The following EVC2 variants were observed in gnomAD, a reference collection of about 807,000 sequenced individuals.
The protein encoded by EVC2 is limbin.
In EVC2, 148 loss-of-function variants were observed where a neutral mutation model predicts 149.3. That is an observed-to-expected ratio of 0.99 (90% CI 0.87 to 1.14). The LOEUF is 1.14. Ranked by LOEUF, EVC2 falls within the 50% of genes most tolerant of loss-of-function variation. The probability of loss-of-function intolerance (pLI) is 0.00; values close to 1 mark genes in which losing one functional copy is unlikely to be tolerated. For missense variants in EVC2, 1,854 were observed against 1,627.3 expected, an observed-to-expected ratio of 1.14 and a Z score of -2.40; for synonymous variants, 776 against 649.9, an observed-to-expected ratio of 1.19 and a Z score of -2.95.
chr4:5,707,965 C>T (rs1194017180), intron 1 of EVC2: 3 of 226,340 alleles, frequency 1.3e-5, no homozygotes, highest in East Asian at 8.3e-5. Flanking sequence ...CGCGACGGCC[C>T]CGTTTCAACG....
intron 16 of EVC2, 121 bp from the exon 17 acceptor site, chr4:5,584,971 A>G (rs1712150718): frequency 1.7e-5 from 18 of 1,057,882 alleles, no homozygotes; most frequent in Non-Finnish European, 2.4e-5. Flanking sequence ...AAAGTTTACA[A>G]TGGAGACGCA....
chr4:5,620,354 T>A (rs1437030498), intron 14 of EVC2, among the ~76,000 whole-genome samples: 3 of 152,258 alleles, frequency 2.0e-5, no homozygotes, highest in Admixed American at 6.5e-5. Flanking sequence ...GTTACGTAAG[T>A]GCCAAGAGAA....
At chr4:5,643,186 T>C (rs1717467827) in intron 9 of EVC2, among the ~76,000 whole-genome samples, 1 of 152,152 alleles carries the variant, frequency 6.6e-6, no homozygotes, top group South Asian at 2.1e-4. Context: ...AAAGACAAAC[T>C]AGCAAGTATC....
At chr4:5,684,945 G>A (rs528507428) in intron 6 of EVC2, among the ~76,000 whole-genome samples, 21 of 152,268 alleles carry the variant, frequency 1.4e-4, no homozygotes, top group South Asian at 4.1e-4. Context: ...AATCAGCCCC[G>A]CAGACACCCT....
rs76460700 is a variant in EVC2, at chr4:5,614,434, T to C, written c.2829+988A>G. Among the ~76,000 whole-genome samples, 6,831 of 152,144 alleles carry C rather than the reference T, an allele frequency of 0.045. 488 individuals carry two copies. The highest frequency in any genetic ancestry group is 0.15 in the African/African-American group (6,263 of 41,486). ...TCCCCAAAATACTTGTGGAACAAAT[T>C]AACCATGTGATAGGTGCTATGGTAA... On this transcript the variant is annotated intron_variant, in intron 16 of 21. Coordinates refer to ENST00000344408, the MANE Select transcript of EVC2 (RefSeq NM_147127.5). The surrounding 1 kb of genome is among the most constrained non-coding windows in gnomAD (Gnocchi z 4.7).
intron 9 of EVC2, among the ~76,000 whole-genome samples, chr4:5,661,362 A>C (rs766605989): frequency 6.6e-6 from 1 of 152,216 alleles, no homozygotes; most frequent in Non-Finnish European, 1.5e-5. Flanking sequence ...TTATGTTGCT[A>C]GCCACTTAGA....
intron 6 of EVC2, among the ~76,000 whole-genome samples, chr4:5,684,106 C>A (rs1720532690): frequency 6.6e-6 from 1 of 152,168 alleles, no homozygotes; most frequent in Non-Finnish European, 1.5e-5. Context: ...TGGTTTCCTG[C>A]CTTCTGAAAT....
In EVC2 at chr4:5,686,224, T is replaced by A. The variant is rs558850220; in HGVS notation, c.707-745A>T. On this transcript the variant is annotated intron_variant, in intron 5 of 21. Coordinates refer to ENST00000344408, the MANE Select transcript of EVC2 (RefSeq NM_147127.5). This position sits in a 1 kb window ranked among gnomAD's most constrained non-coding sequence, Gnocchi z 5.4. ...AACATTTTCATTTTTATTTAAAATT[T>A]TTTATTTATTTATTTCTGAGACAGG... 2.6e-4 allele frequency among the ~76,000 whole-genome samples: 40 copies of A among 152,184 alleles called. No homozygotes were observed. The highest frequency in any genetic ancestry group is 4.0e-4 in the Non-Finnish European group (27 of 68,026).
chr4:5,698,958 G>A (rs889355522), intron 1 of EVC2, among the ~76,000 whole-genome samples: 10 of 152,228 alleles, frequency 6.6e-5, no homozygotes, highest in Non-Finnish European at 1.3e-4. Flanking sequence ...ACCATAAGGT[G>A]GGACAGGATC....
At chr4:5,694,270 C>T (rs537415612) in intron 3 of EVC2, 65 bp downstream of exon 3, 56 of 1,560,302 alleles carry the variant, frequency 3.6e-5, no homozygotes, top group Non-Finnish European at 4.4e-5. Context: ...ATTTTATATA[C>T]AGGCCATAAT....
intron 21 of EVC2, among the ~76,000 whole-genome samples, chr4:5,551,074 G>C (rs113215238): frequency 2.5e-3 from 380 of 152,336 alleles, no homozygotes; most frequent in African/African-American, 7.6e-3. Context: ...GAGAACCTCT[G>C]CCAGGGCAGT....
chr4:5,708,043 G>C lies in EVC2; in HGVS notation c.228+243C>G, dbSNP rs543305043. On this transcript the variant is annotated intron_variant, in intron 1 of 21. Transcript: ENST00000344408. ...GCTCGTAAAATGGAGAGCAGGATTC[G>C]AACCAGGGTCGCTGGTGAAGTCCAA... 7 of 407,112 alleles carry C rather than the reference G, an allele frequency of 1.7e-5. No individual in the cohort carries two copies. The South Asian group carries it at 5.1e-4, about 29-fold the overall frequency. The allele number at this position is 407,112 out of a possible 1,614,324, so 25.2% of individuals were successfully genotyped here. A position where few individuals can be genotyped will look rare whatever the true frequency, so the allele number is the denominator to read the frequency against.
rs140299910 is a variant in EVC2, at chr4:5,700,748, G to A, written c.229-3101C>T. On this transcript the variant is annotated intron_variant, in intron 1 of 21. Coordinates refer to ENST00000344408, the MANE Select transcript of EVC2 (RefSeq NM_147127.5). The stretch of plus-strand genomic sequence containing the variant: ...CATAGGCACCATGCCAGGTGCAGCC[G>A]ATAGCACCTTCCAATGGCCAGCCTG... 1.9e-3 allele frequency among the ~76,000 whole-genome samples: 288 copies of A among 152,260 alleles called. 2 individuals carry two copies. In the East Asian group the frequency reaches 0.021, roughly 11 times the overall value.
rs112074786 is a variant in EVC2, at chr4:5,633,147, G to A, written c.1471-1115C>T. Among the ~76,000 whole-genome samples, 141 of 152,330 alleles carry A rather than the reference G, an allele frequency of 9.3e-4. 1 individual carries two copies. Among genetic ancestry groups the A allele is most frequent in the African/African-American group, 3.3e-3 (136 of 41,574 alleles). ...TGGCTTTGAAGAACCAAACAGCCAG[G>A]CTGTAAACTGTCTCCGCAGAAGGGA... On this transcript the variant is annotated intron_variant, in intron 10 of 21. Coordinates refer to ENST00000344408, the MANE Select transcript of EVC2 (RefSeq NM_147127.5). This position sits in a 1 kb window ranked among gnomAD's most constrained non-coding sequence, Gnocchi z 4.4.
At chr4:5,675,494 G>A (rs1719926175) in intron 7 of EVC2, among the ~76,000 whole-genome samples, 3 of 152,336 alleles carry the variant, frequency 2.0e-5, no homozygotes, top group Admixed American at 1.3e-4. Flanking sequence ...GCAGTCAAAT[G>A]CTGCATTAAT....
rs139050362 is a variant in EVC2 at position 5,703,654 on chromosome 4, G to A, written c.228+4632C>T. On this transcript the variant is annotated intron_variant, in intron 1 of 21. Transcript: ENST00000344408. ...ACAAATACTTTTGATCACCTACTAT[G>A]TGCTATTTTGAAAATGAGGATACGT... 7.8e-4 allele frequency among the ~76,000 whole-genome samples: 118 copies of A among 152,178 alleles called. 1 individual carries two copies. The East Asian group carries it at 0.021, about 28-fold the overall frequency.
chr4:5,598,316 C>G (rs1416334699), intron 16 of EVC2, among the ~76,000 whole-genome samples: 2 of 151,688 alleles, frequency 1.3e-5, no homozygotes, highest in Admixed American at 6.6e-5. Context: ...TGACTTCAAA[C>G]TATACTACAA....
At chr4:5,562,280 C>A (rs74794904), downstream of EVC2, 599 of 189,428 alleles carry the variant, frequency 3.2e-3, 4 homozygotes, top group African/African-American at 0.013. The surrounding 1 kb of genome is among the most constrained non-coding windows in gnomAD (Gnocchi z 4.3). Flanking sequence ...CTGATTTGAA[C>A]TGGTGACGGT....
rs1247225356 is a variant in EVC2, at chr4:5,613,753, A to C, written c.2829+1669T>G. On this transcript the variant is annotated intron_variant, in intron 16 of 21. Transcript: ENST00000344408. The surrounding 1 kb of genome is among the most constrained non-coding windows in gnomAD (Gnocchi z 4.6). ...ATCTCTTGAATTAGCCTTTAACAAT[A>C]GGTAAGATGACATTTTGCCTCTATC... 2.0e-5 allele frequency among the ~76,000 whole-genome samples: 3 copies of C among 152,144 alleles called. No homozygotes were observed. The highest frequency in any genetic ancestry group is 4.4e-5 in the Non-Finnish European group (3 of 68,022).
Sources: allele counts gnomAD v4.1 joint callset (sites outside exome capture counted in the v4.1 genomes callset), GRCh38; gene constraint gnomAD v4.1.1; non-coding constraint Gnocchi (gnomAD v3.1); transcripts MANE v1.5; gene names NCBI Gene and HGNC (gene_info 2026-07-23, HGNC 2026-07-21).